Variants in ATRNL1 observed in about 807,000 individuals in gnomAD.
ATRNL1 encodes attractin like 1, also known as attractin-like protein 1.
A neutral mutation model predicts 182.7 loss-of-function variants in ATRNL1; 95 were observed. That is an observed-to-expected ratio of 0.52 (90% CI 0.44 to 0.62). ATRNL1 has a LOEUF of 0.62. ATRNL1 is among the 20% of genes least tolerant of loss of function. The pLI is 0.00. For missense variants in ATRNL1, 1,471 were observed against 1,679.5 expected, an observed-to-expected ratio of 0.88 and a Z score of 2.17; for synonymous variants, 576 against 568.3, an observed-to-expected ratio of 1.01 and a Z score of -0.19.
At chr10:115,882,604 C>T (rs953039412) in intron 28 of ATRNL1, among the ~76,000 whole-genome samples, 6 of 152,166 alleles carry the variant, frequency 3.9e-5, no homozygotes, top group Non-Finnish European at 8.8e-5. Flanking sequence ...ATGAAGCCTT[C>T]CAGACTCCTT....
intron 21 of ATRNL1, among the ~76,000 whole-genome samples, chr10:115,427,479 A>G (rs1281188420): frequency 1.3e-5 from 2 of 152,114 alleles, no homozygotes; most frequent in Non-Finnish European, 2.9e-5. Context: ...TTGACTTATC[A>G]GTTTGTTCTT....
chr10:115,607,840 A>T (rs934937867), intron 26 of ATRNL1, among the ~76,000 whole-genome samples: 4 of 151,950 alleles, frequency 2.6e-5, no homozygotes, highest in Non-Finnish European at 2.9e-5. Context: ...GTCATTATTC[A>T]CAAAACTTCA....
chr10:115,384,992 T>C (rs1858252690), intron 19 of ATRNL1, among the ~76,000 whole-genome samples: 1 of 151,964 alleles, frequency 6.6e-6, no homozygotes, highest in Non-Finnish European at 1.5e-5. Flanking sequence ...TGTTAATATT[T>C]ATGTGTTTAT....
intron 27 of ATRNL1, among the ~76,000 whole-genome samples, chr10:115,779,313 A>G (rs1488634620): frequency 6.6e-6 from 1 of 152,206 alleles, no homozygotes; most frequent in Non-Finnish European, 1.5e-5. Context: ...TCTCAATGTG[A>G]TAGTGGATGT....
chr10:115,663,778 G>A (rs1342819589), intron 26 of ATRNL1, among the ~76,000 whole-genome samples: 3 of 152,076 alleles, frequency 2.0e-5, no homozygotes, highest in Non-Finnish European at 4.4e-5. Flanking sequence ...GACCTGCTGA[G>A]ATCCATCTGC....
At chr10:115,477,851 A>T (rs1412662961) in intron 24 of ATRNL1, among the ~76,000 whole-genome samples, 1 of 151,650 alleles carries the variant, frequency 6.6e-6, no homozygotes, top group East Asian at 1.9e-4. Context: ...TGTGATTCTT[A>T]AAAATATTTA....
intron 20 of ATRNL1, among the ~76,000 whole-genome samples, chr10:115,418,948 G>A (rs1374999582): frequency 6.6e-6 from 1 of 152,148 alleles, no homozygotes; most frequent in African/African-American, 2.4e-5. Flanking sequence ...ATGCTGAAGA[G>A]AGCTCTTCAA....
At chr10:115,556,421 A>G (rs1853318144) in intron 26 of ATRNL1, among the ~76,000 whole-genome samples, 1 of 152,174 alleles carries the variant, frequency 6.6e-6, no homozygotes, top group Non-Finnish European at 1.5e-5. Context: ...TGAGTTAAGC[A>G]AAAATATATT....
At chr10:115,561,533 G>T (rs1853707976) in intron 26 of ATRNL1, among the ~76,000 whole-genome samples, 1 of 152,074 alleles carries the variant, frequency 6.6e-6, no homozygotes, top group African/African-American at 2.4e-5. Context: ...ATCTAGAAAT[G>T]ATATAAATGG....
intron 8 of ATRNL1, among the ~76,000 whole-genome samples, chr10:115,193,141 A>G (rs1402029641): frequency 3.3e-5 from 5 of 151,912 alleles, no homozygotes; most frequent in African/African-American, 1.2e-4. Flanking sequence ...GTCTTTTTCT[A>G]GATATTAGAG....
intron 4 of ATRNL1, 54 bp from the exon 5 acceptor site, chr10:115,129,273 A>T: frequency 1.4e-6 from 2 of 1,442,260 alleles, no homozygotes; most frequent in Non-Finnish European, 1.9e-6. Flanking sequence ...TGTATCAACC[A>T]AAATTCTTTT....
intron 20 of ATRNL1, among the ~76,000 whole-genome samples, chr10:115,404,207 C>G (rs1446466529): frequency 6.6e-6 from 1 of 152,052 alleles, no homozygotes; most frequent in African/African-American, 2.4e-5. Flanking sequence ...CTTTCTATAC[C>G]AACACCTTGT....
chr10:115,880,005 G>A (rs911920999), intron 28 of ATRNL1, among the ~76,000 whole-genome samples: 2 of 152,196 alleles, frequency 1.3e-5, no homozygotes, highest in African/African-American at 4.8e-5. Context: ...CAACACAGCA[G>A]AGATGATGCC....
chr10:115,757,953 T>C (rs1388269871), intron 27 of ATRNL1, among the ~76,000 whole-genome samples: 4 of 151,480 alleles, frequency 2.6e-5, no homozygotes, highest in Non-Finnish European at 4.4e-5. Flanking sequence ...TGTGATTCGG[T>C]TATTGATACT....
intron 25 of ATRNL1, among the ~76,000 whole-genome samples, chr10:115,532,887 T>C (rs1288554753): frequency 6.6e-6 from 1 of 152,094 alleles, no homozygotes; most frequent in East Asian, 1.9e-4. Flanking sequence ...GGTTTTTGTC[T>C]TTGGTTCTGT....
At chr10:115,827,895 A>G (rs1950473339) in intron 27 of ATRNL1, among the ~76,000 whole-genome samples, 1 of 152,180 alleles carries the variant, frequency 6.6e-6, no homozygotes, top group Non-Finnish European at 1.5e-5. Flanking sequence ...GCAGTACCCC[A>G]GAGCTCCTTC....
At chr10:115,662,200 C>T (rs1259517729) in intron 26 of ATRNL1, among the ~76,000 whole-genome samples, 2 of 151,854 alleles carry the variant, frequency 1.3e-5, no homozygotes, top group African/African-American at 4.8e-5. Flanking sequence ...TGGCTTGGTT[C>T]CAAGTCTTTG....
At chr10:115,217,184 G>A (rs929804393) in intron 9 of ATRNL1, among the ~76,000 whole-genome samples, 7 of 152,114 alleles carry the variant, frequency 4.6e-5, no homozygotes, top group Non-Finnish European at 1.0e-4. Context: ...CACCTCCCAC[G>A]TTCAAGCGAT....
chr10:115,143,752 A>T (rs1056596975), intron 5 of ATRNL1, among the ~76,000 whole-genome samples: 9 of 152,100 alleles, frequency 5.9e-5, no homozygotes, highest in African/African-American at 1.9e-4. Context: ...GAGAGAACGC[A>T]CGTGAGAGTG....
Sources: gnomAD v4.1 joint callset for allele counts (sites outside exome capture counted in the v4.1 genomes callset) on GRCh38, gnomAD v4.1.1 for gene constraint, MANE v1.5 for transcripts, NCBI Gene and HGNC (gene_info 2026-07-23, HGNC 2026-07-21) for gene names.